Variants in PHACTR4 observed in about 807,000 individuals in gnomAD.
PHACTR4 encodes phosphatase and actin regulator 4.
PHACTR4 carries 51 observed loss-of-function variants against 72.7 expected under a neutral mutation model. The ratio of observed to expected loss-of-function variants is 0.70; its 90% CI spans 0.56 to 0.89. The LOEUF is 0.89. Among genes scored for constraint, PHACTR4 ranks in the 40% least tolerant of loss-of-function variants. PHACTR4 has a pLI of 0.00. For synonymous variants in PHACTR4, 255 were observed against 302.5 expected (o/e 0.84, Z 1.63); for missense variants, 731 against 861.8 (o/e 0.85, Z 1.90).
At chr1:28,484,716 C>G (rs964472655) in intron 9 of PHACTR4, among the ~76,000 whole-genome samples, 1 of 151,570 alleles carries the variant, frequency 6.6e-6, no homozygotes, top group East Asian at 1.9e-4. Context: ...GCCTGTAATC[C>G]CAGCACTTTG....
intron 2 of PHACTR4, among the ~76,000 whole-genome samples, chr1:28,419,486 A>G (rs1013079274): frequency 2.0e-5 from 3 of 152,012 alleles, no homozygotes. Context: ...GTGTGTGTGT[A>G]TATATACACA....
chr1:28,406,869 C>T (rs1654367034), intron 1 of PHACTR4, among the ~76,000 whole-genome samples: 1 of 152,074 alleles, frequency 6.6e-6, no homozygotes, highest in African/African-American at 2.4e-5. Flanking sequence ...CTGAACCATC[C>T]TCCTGTGTCT....
intron 2 of PHACTR4, among the ~76,000 whole-genome samples, chr1:28,409,521 A>C (rs1654612709): frequency 6.6e-6 from 1 of 152,210 alleles, no homozygotes; most frequent in African/African-American, 2.4e-5. Flanking sequence ...AAAAAAAAGA[A>C]ATCAGAGGCA....
At chr1:28,425,380 G>T (rs748314314) in intron 2 of PHACTR4, among the ~76,000 whole-genome samples, 1 of 152,244 alleles carries the variant, frequency 6.6e-6, no homozygotes, top group Non-Finnish European at 1.5e-5. Flanking sequence ...GCCTCCCAAA[G>T]TGCTGGGATT....
chr1:28,491,579 A>G, intron 11 of PHACTR4, 71 bp from the exon 12 acceptor site: 1 of 1,598,926 alleles, frequency 6.3e-7, no homozygotes. Context: ...GCACTGGGTT[A>G]GAGGCAATTT....
chr1:28,478,656 A>G (rs558706630), intron 8 of PHACTR4, among the ~76,000 whole-genome samples: 7 of 152,172 alleles, frequency 4.6e-5, no homozygotes, highest in African/African-American at 1.7e-4. Context: ...GGGTTTCACC[A>G]TATTGGCTGG....
intron 1 of PHACTR4, among the ~76,000 whole-genome samples, chr1:28,375,068 G>C (rs1019790005): frequency 2.0e-5 from 3 of 152,226 alleles, no homozygotes; most frequent in Non-Finnish European, 4.4e-5. Context: ...GGAGGCCAAG[G>C]CAAGCAGATC....
intron 1 of PHACTR4, among the ~76,000 whole-genome samples, chr1:28,397,956 G>T (rs1050225434): frequency 1.3e-5 from 2 of 151,528 alleles, no homozygotes; most frequent in Non-Finnish European, 2.9e-5. Flanking sequence ...CTCATGATCC[G>T]CCCGCCTCGG....
intron 13 of PHACTR4, among the ~76,000 whole-genome samples, chr1:28,496,050 CTTTTT>C (rs59019895): frequency 1.1e-5 from 1 of 88,762 alleles, no homozygotes; most frequent in Admixed American, 1.3e-4. Flanking sequence ...GAGAAGAGTT[CTTTTT>C]TTTTTTTTTT....
At chr1:28,410,814 C>G (rs748399121) in intron 2 of PHACTR4, among the ~76,000 whole-genome samples, 28 of 152,148 alleles carry the variant, frequency 1.8e-4, no homozygotes, top group Non-Finnish European at 7.3e-5. Context: ...TCAAGTGATT[C>G]TCCTGCCTCA....
At chr1:28,412,114 A>G (rs1035227884) in intron 2 of PHACTR4, among the ~76,000 whole-genome samples, 6 of 152,134 alleles carry the variant, frequency 3.9e-5, no homozygotes, top group African/African-American at 1.4e-4. Context: ...AAAAATGTTA[A>G]ATGTTGGGAA....
intron 9 of PHACTR4, among the ~76,000 whole-genome samples, chr1:28,484,741 G>T (rs901398239): frequency 3.9e-5 from 6 of 151,904 alleles, no homozygotes; most frequent in Admixed American, 6.6e-5. Context: ...GCCGAGGCGG[G>T]TGGATCACGA....
rs1013746673 is a variant in PHACTR4, at chr1:28,449,209, A to G, written c.17-9876A>G. Among the ~76,000 whole-genome samples the G allele has an allele frequency of 3.3e-5, 5 of 152,036 alleles. No homozygotes were observed. In the Middle Eastern group the frequency reaches 0.017, roughly 521 times the overall value. On this transcript the variant is annotated intron_variant, in intron 2 of 13. Transcript: ENST00000373839. ...TGCAGTGGTGCACCCCTAGAGCCCC[A>G]GTGACTTGAGAGGCTGAAGCAGCAG...
At chr1:28,379,735 G>A (rs184530684) in intron 1 of PHACTR4, among the ~76,000 whole-genome samples, 2,248 of 151,466 alleles carry the variant, frequency 0.015, 32 homozygotes, top group South Asian at 0.056. Flanking sequence ...GACTACAGGC[G>A]CCCGCCACCA....
At chr1:28,390,690 G>T (rs1015089026) in intron 1 of PHACTR4, among the ~76,000 whole-genome samples, 1 of 152,090 alleles carries the variant, frequency 6.6e-6, no homozygotes, top group African/African-American at 2.4e-5. Context: ...ATACTCAGGA[G>T]GCTGAGGCAG....
At chr1:28,468,999 G>A (rs1406662865) in intron 6 of PHACTR4, among the ~76,000 whole-genome samples, 5 of 152,144 alleles carry the variant, frequency 3.3e-5, no homozygotes, top group African/African-American at 1.2e-4. Context: ...AATAGACCTT[G>A]TAACTGAGGA....
Position 28,466,719 on chromosome 1 carries a change from C to A in PHACTR4, c.774C>A (p.Pro258=). ...SLTHMVPAKQ[P]PIPPPKPAHR... ...CTCATATGGTCCCTGCCAAGCAGCC[C>A]CCTATCCCTCCCCCTAAACCAGCTC... Residue 258 remains proline, a synonymous_variant, in exon 6 of 14, where the codon CCC becomes CCA. Transcript: ENST00000373839. The A allele has an allele frequency of 6.2e-7, 1 of 1,613,868 alleles. No homozygotes were observed. The highest frequency in any genetic ancestry group is 8.5e-7 in the Non-Finnish European group (1 of 1,179,940).
chr1:28,402,684 G>A (rs190428812), intron 1 of PHACTR4, among the ~76,000 whole-genome samples: 2 of 152,272 alleles, frequency 1.3e-5, no homozygotes, highest in East Asian at 3.9e-4. Context: ...TTTATGGGTG[G>A]TTACAGAGGC....
chr1:28,432,789 G>A (rs1322016525), intron 2 of PHACTR4: 1 of 152,130 alleles, frequency 6.6e-6, no homozygotes, highest in African/African-American at 2.4e-5. Context: ...CATCCAGGCT[G>A]GAGTTCAATA....
Sources: gnomAD v4.1 joint callset for allele counts (sites outside exome capture counted in the v4.1 genomes callset) on GRCh38, gnomAD v4.1.1 for gene constraint, MANE v1.5 for transcripts, NCBI Gene and HGNC (gene_info 2026-07-23, HGNC 2026-07-21) for gene names.